The following PREP variants were observed in gnomAD, a reference collection of about 807,000 sequenced individuals.
The protein encoded by PREP is dJ355L5.1 (prolyl endopeptidase).
In PREP, 29 loss-of-function variants were observed where a neutral mutation model predicts 87.6. The observed-to-expected ratio is 0.33, with a 90% CI of 0.25 to 0.45. The LOEUF is 0.45. PREP is among the 20% of genes least tolerant of loss of function. The pLI is 1.00. For synonymous variants in PREP, 337 were observed against 328.6 expected, an observed-to-expected ratio of 1.03 and a Z score of -0.28; for missense variants, 695 against 886.5, an observed-to-expected ratio of 0.78 and a Z score of 2.74.
At chr6:105,351,025 T>G (rs1771936788) in intron 7 of PREP, among the ~76,000 whole-genome samples, 1 of 152,234 alleles carries the variant, frequency 6.6e-6, no homozygotes, top group African/African-American at 2.4e-5. Flanking sequence ...GCCCTAACAC[T>G]GACAGATCAG....
chr6:105,309,585 T>C (rs545576710), intron 10 of PREP, among the ~76,000 whole-genome samples: 1 of 152,302 alleles, frequency 6.6e-6, no homozygotes, highest in African/African-American at 2.4e-5. Flanking sequence ...TTTTTTTCTT[T>C]TTTCTTTTTT....
intron 7 of PREP, among the ~76,000 whole-genome samples, chr6:105,347,307 A>G (rs923869442): frequency 7.2e-5 from 11 of 152,248 alleles, no homozygotes; most frequent in Non-Finnish European, 1.6e-4. Flanking sequence ...CTTGAAGGGC[A>G]GGGGCTACCA....
intron 6 of PREP, among the ~76,000 whole-genome samples, chr6:105,362,669 C>T (rs1228527425): frequency 6.6e-6 from 1 of 152,178 alleles, no homozygotes; most frequent in Non-Finnish European, 1.5e-5. Context: ...TTCTGCCTTC[C>T]CAACCATGCT....
At chr6:105,377,251 T>A in intron 3 of PREP, 135 bp downstream of exon 3, 3 of 1,019,382 alleles carry the variant, frequency 2.9e-6, no homozygotes, top group Non-Finnish European at 4.3e-6. Flanking sequence ...ATTACTCTCA[T>A]ATTCAGGCAT....
Position 105,338,773 on chromosome 6 carries a change from C to T in PREP, c.824-5268G>A, listed in dbSNP as rs574634249. Among the ~76,000 whole-genome samples the T allele has an allele frequency of 2.8e-4, 42 of 152,354 alleles. No homozygotes were observed. In the South Asian group the frequency reaches 7.7e-3, roughly 28 times the overall value. Reference sequence around the variant, plus strand: ...CCTGGCTCGGAGGGTCCCACGCCCACGGAGCCTTGCTCGCTGCTAGCACAG... The same window carrying T: ...CCTGGCTCGGAGGGTCCCACGCCCATGGAGCCTTGCTCGCTGCTAGCACAG... On this transcript the variant is annotated intron_variant, in intron 7 of 14. Transcript: ENST00000652536.
At chr6:105,302,535 T>C (rs1149311) in intron 10 of PREP, 29,181 of 396,056 alleles carry the variant, frequency 0.074, 1,260 homozygotes, top group African/African-American at 0.11. Context: ...CTCCTCGTGC[T>C]TGCTGGGCCA....
intron 10 of PREP, among the ~76,000 whole-genome samples, chr6:105,291,167 C>T (rs956194817): frequency 2.0e-5 from 3 of 152,156 alleles, no homozygotes; most frequent in Non-Finnish European, 2.9e-5. Context: ...CAAGTCATAA[C>T]CTTTTTTGCT....
intron 6 of PREP, among the ~76,000 whole-genome samples, chr6:105,367,946 GT>G (rs35796092): frequency 0.21 from 31,443 of 151,982 alleles, 4,785 homozygotes; most frequent in African/African-American, 0.43. Context: ...AGTGGCAGCA[GT>G]TTTTTTTACT....
At chr6:105,322,555 T>G (rs1181928219) in intron 10 of PREP, 1 of 986,388 alleles carries the variant, frequency 1.0e-6, no homozygotes, top group African/African-American at 1.7e-5. Flanking sequence ...TAGATGAAGA[T>G]TCTGCAAACT....
intron 6 of PREP, among the ~76,000 whole-genome samples, chr6:105,353,331 A>G (rs1020494294): frequency 1.3e-5 from 2 of 152,246 alleles, no homozygotes; most frequent in African/African-American, 2.4e-5. Context: ...ACTGAATGTC[A>G]TAACTTCAAT....
intron 4 of PREP, among the ~76,000 whole-genome samples, chr6:105,375,652 CA>C (rs2114711516): frequency 6.6e-6 from 1 of 152,360 alleles, no homozygotes; most frequent in Non-Finnish European, 1.5e-5. Flanking sequence ...GTAATTCTAA[CA>C]TGTTGACAAT....
At chr6:105,299,811 C>T (rs1422011173) in intron 10 of PREP, among the ~76,000 whole-genome samples, 3 of 152,078 alleles carry the variant, frequency 2.0e-5, no homozygotes, top group African/African-American at 7.2e-5. Flanking sequence ...TTCATTTCTT[C>T]TTCCCCAAGA....
At position 105,276,834 on chromosome 6, in the gene PREP, G is replaced by C. The variant is rs1769943105; in HGVS notation, c.*1310C>G. 6.6e-6 allele frequency among the ~76,000 whole-genome samples: 1 copy of C among 152,196 alleles called. No individual in the cohort carries two copies. The highest frequency in any genetic ancestry group is 2.1e-4 in the South Asian group (1 of 4,830). On this transcript the variant is annotated 3_prime_UTR_variant, in exon 15 of 15. Coordinates refer to ENST00000652536, the MANE Select transcript of PREP (RefSeq NM_002726.5). ...CCATAACTTGAAACGTAGAGAATGA[G>C]AGAGTGCTCTTAAAAGCACATACAT... is the stretch of plus-strand genomic sequence containing the variant.
intron 10 of PREP, 43 bp from the exon 11 acceptor site, chr6:105,288,937 G>A: frequency 6.4e-7 from 1 of 1,572,942 alleles, no homozygotes; most frequent in Non-Finnish European, 8.7e-7. Flanking sequence ...GCATTACTTA[G>A]TAGATACTGC....
Position 105,311,281 on chromosome 6 carries a change from T to C in PREP, c.1317+12384A>G, listed in dbSNP as rs902776429. On this transcript the variant is annotated intron_variant, in intron 10 of 14. Transcript: ENST00000652536. ...AACTCTGCAGTGACTCCCATCACAC[T>C]TGGAATGAATCTGACATTCCCTAAC... Among the ~76,000 whole-genome samples the C allele has an allele frequency of 3.9e-5, 6 of 152,244 alleles. No homozygotes were observed. The South Asian group carries it at 6.2e-4, about 16-fold the overall frequency.
intron 10 of PREP, among the ~76,000 whole-genome samples, chr6:105,304,289 T>A (rs1447329640): frequency 6.6e-6 from 1 of 152,248 alleles, no homozygotes; most frequent in Non-Finnish European, 1.5e-5. Flanking sequence ...CCATTTTATA[T>A]AACAAACTTG....
At chr6:105,326,205 C>T (rs1233507343) in intron 9 of PREP, among the ~76,000 whole-genome samples, 1 of 152,094 alleles carries the variant, frequency 6.6e-6, no homozygotes, top group Non-Finnish European at 1.5e-5. Context: ...GATTTCTCAC[C>T]CCTGACTCCC....
Position 105,276,520 on chromosome 6 carries a change from T to C in PREP, c.*1624A>G, listed in dbSNP as rs1769934729. Among the ~76,000 whole-genome samples, 3 of 152,238 alleles carry C rather than the reference T, an allele frequency of 2.0e-5. No individual in the cohort carries two copies. Among genetic ancestry groups the C allele is most frequent in the Non-Finnish European group, 4.4e-5 (3 of 68,048 alleles). Reference sequence around the variant, plus strand: ...GCTTGACCATGCAAATGTATTTTCTTTCTTTCCTGCCATGCTGGTCAGCAG... The same window carrying C: ...GCTTGACCATGCAAATGTATTTTCTCTCTTTCCTGCCATGCTGGTCAGCAG... On this transcript the variant is annotated 3_prime_UTR_variant, in exon 15 of 15. Transcript: ENST00000652536.
chr6:105,290,528 C>A (rs1232851984), intron 10 of PREP, among the ~76,000 whole-genome samples: 1 of 152,204 alleles, frequency 6.6e-6, no homozygotes, highest in Non-Finnish European at 1.5e-5. Flanking sequence ...CTCATGTACC[C>A]TGATCTTCAT....
Sources: allele counts gnomAD v4.1 joint callset (sites outside exome capture counted in the v4.1 genomes callset), GRCh38; gene constraint gnomAD v4.1.1; transcripts MANE v1.5; gene names NCBI Gene and HGNC (gene_info 2026-07-23, HGNC 2026-07-21).